The following CPVL variants were observed in gnomAD, a reference collection of about 807,000 sequenced individuals.
CPVL encodes the protein carboxypeptidase vitellogenic like, also known as probable serine carboxypeptidase CPVL.
CPVL carries 51 observed loss-of-function variants against 63.7 expected under a neutral mutation model. That is an observed-to-expected ratio of 0.80 (90% confidence interval 0.64 to 1.01). The LOEUF is 1.01. Ranked by LOEUF, CPVL falls within the 50% of genes least tolerant of loss-of-function variation. The probability of loss-of-function intolerance (pLI) is 0.00; values close to 1 mark genes in which losing one functional copy is unlikely to be tolerated. For synonymous variants in CPVL, 195 were observed against 206.0 expected (o/e 0.95, Z 0.46); for missense variants, 530 against 573.1 (o/e 0.92, Z 0.77).
rs73684586 is a variant in CPVL, at chr7:29,092,531, T to C, written c.542+92A>G. On this transcript the variant is annotated intron_variant, in intron 6 of 12. Coordinates refer to ENST00000265394, the MANE Select transcript of CPVL (RefSeq NM_031311.5). The stretch of plus-strand genomic sequence containing the variant: ...TCAGGAATTGGACTATAAGGCTCAG[T>C]CAATAAAAATTCCAACACTAGAATA... 359 of 826,370 alleles carry C rather than the reference T, an allele frequency of 4.3e-4. No individual in the cohort carries two copies. In the African/African-American group the frequency reaches 5.3e-3, roughly 12 times the overall value. The allele number at this position is 826,370 out of a possible 1,614,324, so 51.2% of individuals were successfully genotyped here.
rs371455008 is a variant in CPVL at position 29,065,632 on chromosome 7, C to T, written c.963+391G>A. Among the ~76,000 whole-genome samples the T allele has an allele frequency of 3.2e-4, 49 of 152,252 alleles. No homozygotes were observed. In the South Asian group the frequency reaches 5.8e-3, roughly 18 times the overall value. On this transcript the variant is annotated intron_variant, in intron 10 of 12. Coordinates refer to ENST00000265394, the MANE Select transcript of CPVL (RefSeq NM_031311.5). ...TTAAGGCTTTGGCAGTTTTGATTATCCAAGCGTCTTAAGTACAGAACAAAG... is the reference window on the plus strand; with the variant it reads ...TTAAGGCTTTGGCAGTTTTGATTATTCAAGCGTCTTAAGTACAGAACAAAG...
At chr7:29,049,538 A>T (rs543468933) in intron 11 of CPVL, among the ~76,000 whole-genome samples, 1 of 152,270 alleles carries the variant, frequency 6.6e-6, no homozygotes, top group African/African-American at 2.4e-5. Flanking sequence ...TTACCAACGA[A>T]AAAAAAGTCC....
chr7:29,104,908 G>A (rs911691140), intron 3 of CPVL, among the ~76,000 whole-genome samples: 1 of 152,202 alleles, frequency 6.6e-6, no homozygotes, highest in Admixed American at 6.5e-5. Flanking sequence ...AGTTTCTGCA[G>A]AGTGTTCAAA....
At chr7:29,035,535 T>G (rs1417134922) in intron 11 of CPVL, among the ~76,000 whole-genome samples, 2 of 152,170 alleles carry the variant, frequency 1.3e-5, no homozygotes, top group Non-Finnish European at 2.9e-5. Context: ...TTTGGCTCTA[T>G]GGACAGGATG....
intron 3 of CPVL, among the ~76,000 whole-genome samples, chr7:29,112,310 C>T (rs952069037): frequency 2.6e-5 from 4 of 152,156 alleles, no homozygotes; most frequent in Non-Finnish European, 4.4e-5. Context: ...TACTTAGCCA[C>T]GCATTACCTG....
chr7:29,037,552 C>CAAAA (rs35631871), intron 11 of CPVL, among the ~76,000 whole-genome samples: 14 of 56,266 alleles, frequency 2.5e-4, no homozygotes, highest in African/African-American at 4.9e-4. Flanking sequence ...GACTCCATCT[C>CAAAA]AAAAAAAAAA....
At chr7:29,097,915 C>T (rs1786609932) in intron 3 of CPVL, among the ~76,000 whole-genome samples, 1 of 152,006 alleles carries the variant, frequency 6.6e-6, no homozygotes, top group African/African-American at 2.4e-5. Flanking sequence ...ACCCTCTCAC[C>T]AGAACAGACT....
chr7:29,140,251 G>A lies in CPVL; in HGVS notation c.-11+6178C>T, dbSNP rs115186615. 2.5e-3 allele frequency among the ~76,000 whole-genome samples: 388 copies of A among 152,228 alleles called. 1 individual carries two copies. The highest frequency in any genetic ancestry group is 8.9e-3 in the African/African-American group (368 of 41,532). On this transcript the variant is annotated intron_variant, in intron 1 of 12. Coordinates refer to ENST00000265394, the MANE Select transcript of CPVL (RefSeq NM_031311.5). ...GCCTAGGAGTTCAAGACCAGCCTAC[G>A]CAATGTGGCAAGACCCTGTCTCACA...
intron 7 of CPVL, 116 bp downstream of exon 7, chr7:29,086,368 A>G (rs950801751): frequency 1.5e-6 from 1 of 645,712 alleles, no homozygotes; most frequent in African/African-American, 1.9e-5. Flanking sequence ...ATCAATATTG[A>G]TATGTATGTG....
downstream of CPVL, among the ~76,000 whole-genome samples, chr7:28,994,929 T>A (rs2128118570): frequency 6.6e-6 from 1 of 152,370 alleles, no homozygotes; most frequent in African/African-American, 2.4e-5. Flanking sequence ...TGCCAGGATG[T>A]GACATTTTAG....
intron 12 of CPVL, among the ~76,000 whole-genome samples, chr7:28,997,757 G>T (rs957830864): frequency 7.2e-6 from 1 of 139,708 alleles, no homozygotes; most frequent in Non-Finnish European, 1.6e-5. Flanking sequence ...GCTTAGTCAC[G>T]GAACATTTTT....
intron 7 of CPVL, among the ~76,000 whole-genome samples, chr7:29,081,786 G>C (rs1444330656): frequency 1.3e-5 from 2 of 152,020 alleles, no homozygotes; most frequent in African/African-American, 2.4e-5. Context: ...TCATGTGTTG[G>C]GTACTCACCA....
At chr7:29,153,075 A>G (rs1793830377) in intron 5 of CPVL, among the ~76,000 whole-genome samples, 1 of 152,236 alleles carries the variant, frequency 6.6e-6, no homozygotes, top group South Asian at 2.1e-4. Flanking sequence ...ATGTTGTAGC[A>G]CAGAACTTCA....
chr7:29,158,833 G>C (rs74981489), intron 5 of CPVL, among the ~76,000 whole-genome samples: 2,466 of 152,254 alleles, frequency 0.016, 56 homozygotes, highest in African/African-American at 0.056. Flanking sequence ...AACTCTTAGA[G>C]AGATACTTCT....
intron 12 of CPVL, among the ~76,000 whole-genome samples, chr7:29,016,625 C>G (rs988472747): frequency 1.3e-5 from 2 of 152,144 alleles, no homozygotes; most frequent in African/African-American, 4.8e-5. Context: ...GACCACGGGC[C>G]TGAGGGCTCC....
chr7:29,136,036 A>G (rs1791187118), intron 1 of CPVL, among the ~76,000 whole-genome samples: 1 of 152,248 alleles, frequency 6.6e-6, no homozygotes. Context: ...ATGGGAGCCC[A>G]CTAACAGGGG....
At chr7:29,042,686 A>AG (rs1266738461) in intron 11 of CPVL, among the ~76,000 whole-genome samples, 1 of 152,168 alleles carries the variant, frequency 6.6e-6, no homozygotes, top group Non-Finnish European at 1.5e-5. Context: ...GATTATGAAG[A>AG]AAGGGAAAAA....
rs544894897 is a variant in CPVL at position 29,139,398 on chromosome 7, C to A, written c.-11+7031G>T. Among the ~76,000 whole-genome samples, 6 of 152,194 alleles carry A rather than the reference C, an allele frequency of 3.9e-5. No homozygotes were observed. In the South Asian group the frequency reaches 1.2e-3, roughly 32 times the overall value. ...GAGATCAGGCTAAAACTGCTTCAGGCTTTGAGTCACAGGGATGATTCACGC... is the reference window on the plus strand; with the variant it reads ...GAGATCAGGCTAAAACTGCTTCAGGATTTGAGTCACAGGGATGATTCACGC... On this transcript the variant is annotated intron_variant, in intron 1 of 12. Transcript: ENST00000265394.
At chr7:29,152,863 TCTC>T (rs1793794924) in intron 5 of CPVL, among the ~76,000 whole-genome samples, 1 of 152,168 alleles carries the variant, frequency 6.6e-6, no homozygotes. Flanking sequence ...ATTTGCAAAT[TCTC>T]CTCCATGGTC....
Sources: gnomAD v4.1 joint callset for allele counts (sites outside exome capture counted in the v4.1 genomes callset) on GRCh38, gnomAD v4.1.1 for gene constraint, MANE v1.5 for transcripts, NCBI Gene and HGNC (gene_info 2026-07-23, HGNC 2026-07-21) for gene names.